Variants in MEIS1 observed in about 807,000 individuals in gnomAD.
MEIS1 encodes homeobox protein Meis1.
A neutral mutation model predicts 50.8 loss-of-function variants in MEIS1; 5 were observed. That is an observed-to-expected ratio of 0.10 (90% CI 0.05 to 0.21). MEIS1 has a LOEUF of 0.21. MEIS1 is among the 10% of genes least tolerant of loss of function. The pLI, the probability that MEIS1 is intolerant of heterozygous loss-of-function variation, is 1.00. For missense variants in MEIS1, 318 were observed against 517.3 expected (o/e 0.61, Z 3.74); for synonymous variants, 176 against 179.3 (o/e 0.98, Z 0.15).
At chr2:66,451,718 C>T (rs1672280339) in intron 6 of MEIS1, among the ~76,000 whole-genome samples, 1 of 151,910 alleles carries the variant, frequency 6.6e-6, no homozygotes, top group Non-Finnish European at 1.5e-5. Flanking sequence ...TGTATAATTT[C>T]TGAAATTCTA....
At chr2:66,563,688 CAGAT>C (rs1483680306) in intron 9 of MEIS1, among the ~76,000 whole-genome samples, 2 of 152,050 alleles carry the variant, frequency 1.3e-5, no homozygotes, top group African/African-American at 2.4e-5. Flanking sequence ...TTTATTTAAA[CAGAT>C]AGAGGGATGG....
chr2:66,531,713 G>T (rs1188407583), intron 8 of MEIS1, among the ~76,000 whole-genome samples: 1 of 152,176 alleles, frequency 6.6e-6, no homozygotes, highest in Non-Finnish European at 1.5e-5. Context: ...ACTTGACAGG[G>T]CCTATGTGCT....
Position 66,464,162 on chromosome 2 carries a change from C to A in MEIS1, c.684C>A (p.Thr228=), listed in dbSNP as rs1350859096. The A allele has an allele frequency of 2.5e-6, 4 of 1,606,792 alleles. No individual in the cohort carries two copies. The highest frequency in any genetic ancestry group is 3.4e-6 in the Non-Finnish European group (4 of 1,176,840). Residue 228 remains threonine, a synonymous_variant, in exon 7 of 13, where the codon ACC becomes ACA. Coordinates refer to ENST00000272369, the MANE Select transcript of MEIS1 (RefSeq NM_002398.3). ...DDTASTRSGG[T]PGPSSGGHTS... is the part of the protein sequence containing the mutation. Reference sequence around the variant, plus strand: ...CGGCATCTACTCGTTCAGGAGGAACCCCAGGCCCTTCCAGCGGTGGCCACA... The same window carrying A: ...CGGCATCTACTCGTTCAGGAGGAACACCAGGCCCTTCCAGCGGTGGCCACA...
intron 9 of MEIS1, among the ~76,000 whole-genome samples, chr2:66,553,510 T>G (rs1674977012): frequency 6.6e-6 from 1 of 152,148 alleles, no homozygotes; most frequent in Admixed American, 6.5e-5. Flanking sequence ...AATATTGAAA[T>G]CAGTCAAAAA....
chr2:66,441,008 G>A (rs920645780), intron 4 of MEIS1: 1 of 334,324 alleles, frequency 3.0e-6, no homozygotes, highest in Admixed American at 4.5e-5. Flanking sequence ...CCTGAAAGGT[G>A]TAAGGAAGGC....
chr2:66,463,105 A>G (rs1487430032), intron 6 of MEIS1, among the ~76,000 whole-genome samples: 1 of 152,022 alleles, frequency 6.6e-6, no homozygotes, highest in Non-Finnish European at 1.5e-5. Flanking sequence ...TTCGCTAGGC[A>G]TACTTAATGA....
chr2:66,444,901 A>G (rs981132783), intron 6 of MEIS1, among the ~76,000 whole-genome samples: 3 of 152,246 alleles, frequency 2.0e-5, no homozygotes, highest in African/African-American at 4.8e-5. Context: ...ATTGCCTCCA[A>G]AATGAAGATT....
chr2:66,440,084 C>CACACACACAA (rs756093514), intron 3 of MEIS1, 100 bp downstream of exon 3: 1 of 1,100,582 alleles, frequency 9.1e-7, no homozygotes, highest in African/African-American at 1.6e-5. Flanking sequence ...CACACACACA[C>CACACACACAA]ACACACACGG....
intron 6 of MEIS1, among the ~76,000 whole-genome samples, chr2:66,446,877 A>C (rs1311533196): frequency 6.6e-6 from 1 of 152,252 alleles, no homozygotes; most frequent in Non-Finnish European, 1.5e-5. Context: ...TTTGGTTCCC[A>C]AGTGGTCCTG....
intron 7 of MEIS1, among the ~76,000 whole-genome samples, chr2:66,505,078 T>C (rs973831649): frequency 6.6e-6 from 1 of 152,214 alleles, no homozygotes; most frequent in Admixed American, 6.5e-5. Flanking sequence ...ATACTTCATA[T>C]ACATATGAAG....
chr2:66,440,525 C>G (rs1671943998), intron 3 of MEIS1, 37 bp from the exon 4 acceptor site: 2 of 1,561,072 alleles, frequency 1.3e-6, no homozygotes, highest in Non-Finnish European at 1.8e-6. Context: ...TTTTTTCTCT[C>G]CCCTCCCTCT....
intron 7 of MEIS1, chr2:66,508,958 C>T: frequency 4.3e-6 from 2 of 465,272 alleles, no homozygotes; most frequent in South Asian, 1.6e-5. Flanking sequence ...GAAGTCACTG[C>T]TGACATTTTA....
At chr2:66,465,681 A>C (rs1224236537) in intron 7 of MEIS1, among the ~76,000 whole-genome samples, 1 of 152,190 alleles carries the variant, frequency 6.6e-6, no homozygotes, top group African/African-American at 2.4e-5. Flanking sequence ...TTGCTTTTCA[A>C]AACTTATATC....
In MEIS1 at chr2:66,457,854, G is replaced by A. The variant is rs1294488879; in HGVS notation, c.631-6255G>A. ...CCATGCACACTGGTGCCTTCTCCATGCGGACCTGGAGACTGTCCTCACCTG... is the reference window on the plus strand; with the variant it reads ...CCATGCACACTGGTGCCTTCTCCATACGGACCTGGAGACTGTCCTCACCTG... On this transcript the variant is annotated intron_variant, in intron 6 of 12. Coordinates refer to ENST00000272369, the MANE Select transcript of MEIS1 (RefSeq NM_002398.3). 3.3e-5 allele frequency among the ~76,000 whole-genome samples: 5 copies of A among 152,210 alleles called. No homozygotes were observed. In the East Asian group the frequency reaches 9.6e-4, roughly 29 times the overall value.
rs1169424263 is a variant in MEIS1 at position 66,571,294 on chromosome 2, G to C, written c.*86G>C. ...TATGTAGCCCGGGGTGGTCCAATGG[G>C]TGTGAGTATGGGACAGCCAAGTTAT... On this transcript the variant is annotated 3_prime_UTR_variant, in exon 13 of 13. Transcript: ENST00000272369. 6.3e-7 allele frequency: 1 copy of C among 1,597,800 alleles called. No homozygotes were observed. The highest frequency in any genetic ancestry group is 8.5e-7 in the Non-Finnish European group (1 of 1,172,098).
At chr2:66,470,214 A>C (rs1672733502) in intron 7 of MEIS1, among the ~76,000 whole-genome samples, 1 of 152,228 alleles carries the variant, frequency 6.6e-6, no homozygotes, top group Admixed American at 6.5e-5. Flanking sequence ...CACAGGCCTT[A>C]GAGCATCGCA....
At chr2:66,566,016 G>A (rs2216123) in intron 9 of MEIS1, among the ~76,000 whole-genome samples, 136,670 of 152,144 alleles carry the variant, frequency 0.9, 61,997 homozygotes, top group Middle Eastern at 0.97. Flanking sequence ...CATGATTCCA[G>A]TTTTCATGGT....
intron 7 of MEIS1, among the ~76,000 whole-genome samples, chr2:66,481,374 G>T (rs570172391): frequency 1.0e-3 from 154 of 152,320 alleles, no homozygotes; most frequent in African/African-American, 3.5e-3. Context: ...GATGGATGAC[G>T]TGGCATTTCT....
chr2:66,530,633 G>C (rs1428659495), intron 8 of MEIS1, among the ~76,000 whole-genome samples: 1 of 151,940 alleles, frequency 6.6e-6, no homozygotes, highest in Non-Finnish European at 1.5e-5. Flanking sequence ...GGAGAATGGC[G>C]TGAACCTGGG....
Sources: allele counts gnomAD v4.1 joint callset (sites outside exome capture counted in the v4.1 genomes callset), GRCh38; gene constraint gnomAD v4.1.1; transcripts MANE v1.5; gene names NCBI Gene and HGNC (gene_info 2026-07-23, HGNC 2026-07-21).